ATG12: variants seen among roughly 807,000 people sequenced by gnomAD.
ATG12 encodes the protein ubiquitin-like protein ATG12.
A neutral mutation model predicts 17.6 loss-of-function variants in ATG12; 19 were observed. The observed-to-expected ratio is 1.08, with a 90% CI of 0.75 to 1.58. The LOEUF is 1.58. ATG12 is among the 40% of genes most tolerant of loss of function. ATG12 has a pLI of 0.00. For synonymous variants in ATG12, 75 were observed against 62.4 expected, an observed-to-expected ratio of 1.20 and a Z score of -0.95; for missense variants, 214 against 162.0, an observed-to-expected ratio of 1.32 and a Z score of -1.74.
intron 1 of ATG12, chr5:115,839,565 A>G (rs1761242472): frequency 6.6e-6 from 1 of 152,240 alleles, no homozygotes; most frequent in African/African-American, 2.4e-5. Context: ...GTGAGAAACC[A>G]GAGAAGGAAA....
chr5:115,836,352 G>A (rs925567696), intron 2 of ATG12, among the ~76,000 whole-genome samples: 7 of 152,108 alleles, frequency 4.6e-5, no homozygotes, highest in African/African-American at 1.7e-4. Context: ...AAATCTCCAT[G>A]TATTTCTAAA....
At chr5:115,834,867 A>G (rs1761026025) in intron 2 of ATG12, 1 of 152,110 alleles carries the variant, frequency 6.6e-6, no homozygotes, top group South Asian at 2.1e-4. Context: ...CTGGGTTGAT[A>G]CTCTCAGGTA....
At chr5:115,838,503 C>G (rs972567171) in intron 1 of ATG12, 1 of 152,178 alleles carries the variant, frequency 6.6e-6, no homozygotes, top group Admixed American at 6.5e-5. Context: ...AAAACCATCA[C>G]AAACACATTC....
At chr5:115,841,239 T>A in intron 1 of ATG12, 151 bp downstream of exon 1, 1 of 1,076,746 alleles carries the variant, frequency 9.3e-7, no homozygotes, top group Non-Finnish European at 1.3e-6. Flanking sequence ...GCCTTAAAAA[T>A]CAAAAAGTAC....
At chr5:115,841,305 A>C (rs917666540) in intron 1 of ATG12, 85 bp downstream of exon 1, 3 of 1,573,268 alleles carry the variant, frequency 1.9e-6, no homozygotes, top group South Asian at 2.3e-5. Context: ...GCGCTCCTCT[A>C]AATTTTGCTT....
chr5:115,834,336 A>G (rs1221109608), intron 2 of ATG12: 1 of 152,238 alleles, frequency 6.6e-6, no homozygotes, highest in Non-Finnish European at 1.5e-5. Context: ...ATCTGTTTGC[A>G]TACTATAAAG....
Position 115,831,854 on chromosome 5 carries a change from T to G in ATG12, c.373A>C (p.Ser125Arg). The change falls in exon 4 of 4, where the codon AGT (serine) becomes CGT (arginine). Residue 125 changes from serine (S) to arginine (R), a missense_variant. Ser to Arg is a moderately radical substitution (Grantham distance 110, BLOSUM62 -1). Transcript: ENST00000509910. ...TAATGTAAAACCAGTTTACCATCACTGCCAAAACACTACAAAAAAAAAAGG... is the reference window on the plus strand; with the variant it reads ...TAATGTAAAACCAGTTTACCATCACGGCCAAAACACTACAAAAAAAAAAGG... The part of the protein sequence containing the change: ...EVGTLYECFG[S>R]DGKLVLHYCK... The G allele has an allele frequency of 6.2e-7, 1 of 1,610,534 alleles. No homozygotes were observed. Among genetic ancestry groups the G allele is most frequent in the African/African-American group, 1.3e-5 (1 of 74,362 alleles).
intron 2 of ATG12, 59 bp downstream of exon 2, chr5:115,837,567 TCA>T (rs1250134581): frequency 6.4e-7 from 1 of 1,566,252 alleles, no homozygotes; most frequent in Non-Finnish European, 8.7e-7. Flanking sequence ...AACAGTTAAT[TCA>T]CTGTTGCCTA....
At chr5:115,836,695 C>T (rs1761116856) in intron 2 of ATG12, among the ~76,000 whole-genome samples, 1 of 152,168 alleles carries the variant, frequency 6.6e-6, no homozygotes, top group Non-Finnish European at 1.5e-5. Flanking sequence ...AGCAATTCTT[C>T]AATTACCTAT....
intron 1 of ATG12, 160 bp downstream of exon 1, chr5:115,841,229 GC>G: frequency 1.1e-6 from 1 of 881,916 alleles, no homozygotes; most frequent in Non-Finnish European, 1.7e-6. Context: ...CAACTTAAAG[GC>G]CTTAAAAATC....
chr5:115,838,247 A>C (rs1406663485), intron 1 of ATG12: 1 of 152,278 alleles, frequency 6.6e-6, no homozygotes, highest in East Asian at 1.9e-4. Flanking sequence ...CAGTGTAAGA[A>C]AATATGAGAT....
intron 2 of ATG12, among the ~76,000 whole-genome samples, chr5:115,836,665 ATTTT>A (rs1204077449): frequency 6.6e-6 from 1 of 152,114 alleles, no homozygotes; most frequent in Non-Finnish European, 1.5e-5. Flanking sequence ...AAAATTCCTG[ATTTT>A]ATTTAAAAAA....
In ATG12 at chr5:115,831,776, G is replaced by A; in HGVS notation, c.*28C>T. On this transcript the variant is annotated 3_prime_UTR_variant, in exon 4 of 4. Coordinates refer to ENST00000509910, the MANE Select transcript of ATG12 (RefSeq NM_004707.4). ...TCTCTTCCGTGAAAATCCATTTCAT[G>A]TAGTAGCAAGTTGATTTTCTTTGTG... 6.2e-7 allele frequency: 1 copy of A among 1,606,144 alleles called. No homozygotes were observed. The highest frequency in any genetic ancestry group is 8.5e-7 in the Non-Finnish European group (1 of 1,175,600).
rs1281758886 is a variant in ATG12, at chr5:115,828,261, A to C, written c.*3543T>G. 1 of 152,168 alleles carries C rather than the reference A, an allele frequency of 6.6e-6. No homozygotes were observed. Among genetic ancestry groups the C allele is most frequent in the Non-Finnish European group, 1.5e-5 (1 of 68,000 alleles). 9.4% of individuals were successfully genotyped at this position (152,168 alleles called of 1,614,324 possible). On this transcript the variant is annotated 3_prime_UTR_variant, in exon 4 of 4. Coordinates refer to ENST00000509910, the MANE Select transcript of ATG12 (RefSeq NM_004707.4). ...ATTTAGGACATAGTAGGCACTCAATATGTGAATGACAGGTTATACGAACAA... is the reference window on the plus strand; with the variant it reads ...ATTTAGGACATAGTAGGCACTCAATCTGTGAATGACAGGTTATACGAACAA...
At position 115,831,266 on chromosome 5, in the gene ATG12, A is replaced by G. The variant is rs1418175470; in HGVS notation, c.*538T>C. 6.5e-6 allele frequency: 1 copy of G among 153,982 alleles called. No homozygotes were observed. The highest frequency in any genetic ancestry group is 2.4e-5 in the African/African-American group (1 of 41,474). 9.5% of individuals were successfully genotyped at this position (153,982 alleles called of 1,614,324 possible). A position where few individuals can be genotyped will look rare whatever the true frequency, so the allele number is the denominator to read the frequency against. ...CTAGATATTAGCTAAAAATTAGCAA[A>G]AACAGCCATTTCCCCTATTATTCCC... On this transcript the variant is annotated 3_prime_UTR_variant, in exon 4 of 4. Transcript: ENST00000509910.
chr5:115,837,304 G>C (rs1462128235), intron 2 of ATG12, among the ~76,000 whole-genome samples: 1 of 151,716 alleles, frequency 6.6e-6, no homozygotes, highest in African/African-American at 2.4e-5. Context: ...CTTCTGAGGC[G>C]GCCCCGTCTC....
chr5:115,838,354 G>A (rs1761190628), intron 1 of ATG12: 2 of 152,230 alleles, frequency 1.3e-5, no homozygotes, highest in Non-Finnish European at 2.9e-5. Flanking sequence ...GATATTTGGA[G>A]GTGACTGATT....
chr5:115,832,211 T>TA (rs1413707273), intron 3 of ATG12, among the ~76,000 whole-genome samples: 12 of 152,280 alleles, frequency 7.9e-5, no homozygotes, highest in African/African-American at 2.9e-4. Context: ...TGTAAGATGT[T>TA]AAACAGTCAT....
chr5:115,836,717 ATC>A (rs1435975009), intron 2 of ATG12, among the ~76,000 whole-genome samples: 2 of 152,206 alleles, frequency 1.3e-5, no homozygotes, highest in Admixed American at 6.5e-5. Context: ...CACTCATGCT[ATC>A]TGAGTTAATA....
Sources: allele counts gnomAD v4.1 joint callset (sites outside exome capture counted in the v4.1 genomes callset), GRCh38; gene constraint gnomAD v4.1.1; transcripts MANE v1.5; gene names NCBI Gene and HGNC (gene_info 2026-07-23, HGNC 2026-07-21).